The following TSC1 variants were observed in gnomAD, a reference collection of about 807,000 sequenced individuals.
TSC1 encodes the protein TSC complex subunit 1, also known as hamartin.
A neutral mutation model predicts 124.3 loss-of-function variants in TSC1; 20 were observed. The ratio of observed to expected loss-of-function variants is 0.16; its 90% CI spans 0.11 to 0.23. The LOEUF (loss-of-function observed/expected upper bound fraction) is 0.23, where lower values mean the gene tolerates loss of function less well. TSC1 is among the 10% of genes least tolerant of loss of function. The pLI is 1.00. For synonymous variants in TSC1, 493 were observed against 539.1 expected (o/e 0.91, Z 1.19); for missense variants, 1,124 against 1,448.5 (o/e 0.78, Z 3.64).
chr9:132,908,053 C>T (rs867268334), intron 12 of TSC1, among the ~76,000 whole-genome samples: 1 of 152,162 alleles, frequency 6.6e-6, no homozygotes. Flanking sequence ...TGCCACTGCA[C>T]TCCAGCCTGG....
chr9:132,924,823 A>T (rs1846761943), intron 5 of TSC1: 1 of 152,200 alleles, frequency 6.6e-6, no homozygotes, highest in Non-Finnish European at 1.5e-5. Context: ...ACCTCTAGGG[A>T]TAATAAAAGA....
upstream of TSC1, chr9:132,944,717 A>C (rs2132542250): frequency 7.5e-6 from 3 of 398,170 alleles, no homozygotes; most frequent in South Asian, 3.8e-4. Context: ...GGAAGGATAG[A>C]CGGCCGCGCT....
Position 132,892,657 on chromosome 9 carries a change from T to C in TSC1, c.*3578A>G, listed in dbSNP as rs1383035773. ...TCTTAGTGCTTTCAGCGAGAAAAGG[T>C]GAGTCTCATTACGCAGAACTTTTGT... On this transcript the variant is annotated 3_prime_UTR_variant, in exon 23 of 23. Coordinates refer to ENST00000298552, the MANE Select transcript of TSC1 (RefSeq NM_000368.5). The C allele has an allele frequency of 8.6e-6, 2 of 233,254 alleles. No homozygotes were observed. The highest frequency in any genetic ancestry group is 4.4e-5 in the African/African-American group (2 of 45,360). 14.4% of individuals were successfully genotyped at this position (233,254 alleles called of 1,614,324 possible). A position where few individuals can be genotyped will look rare whatever the true frequency, so the allele number is the denominator to read the frequency against.
At chr9:132,944,367 G>A (rs1847944764) in intron 1 of TSC1, among the ~76,000 whole-genome samples, 176 bp downstream of exon 1, 1 of 152,188 alleles carries the variant, frequency 6.6e-6, no homozygotes, top group Non-Finnish European at 1.5e-5. Flanking sequence ...GCCAGCCGGA[G>A]ATAGCGTGTA....
rs551882707 is a variant in TSC1, at chr9:132,913,196, G to A, written c.738-739C>T. ...GATCCTCCCACCTTGGCCTCCCAAA[G>A]TGCTGGGATTACAGGCATAAGCCAT... is the stretch of plus-strand genomic sequence containing the variant. On this transcript the variant is annotated intron_variant, in intron 8 of 22. Coordinates refer to ENST00000298552, the MANE Select transcript of TSC1 (RefSeq NM_000368.5). Among the ~76,000 whole-genome samples the A allele has an allele frequency of 3.3e-3, 504 of 152,262 alleles. 3 individuals are homozygous for A. Among genetic ancestry groups the A allele is most frequent in the African/African-American group, 0.012 (481 of 41,556 alleles).
In TSC1 at chr9:132,896,357, A is replaced by C; in HGVS notation, c.3373T>G (p.Leu1125Val). The C allele has an allele frequency of 6.2e-7, 1 of 1,614,208 alleles. No individual in the cohort carries two copies. Among genetic ancestry groups the C allele is most frequent in the Non-Finnish European group, 8.5e-7 (1 of 1,180,020 alleles). ...ESLKTELGKDLGVEAKIPLNL... is the reference protein window; with the variant it reads ...ESLKTELGKDVGVEAKIPLNL... ...AGGGGAATCTTGGCTTCCACACCCAAGTCTTTGCCCAGTTCTGTCTTTAGG... is the reference window on the plus strand; with the variant it reads ...AGGGGAATCTTGGCTTCCACACCCACGTCTTTGCCCAGTTCTGTCTTTAGG... The change falls in exon 23 of 23, where the codon TTG becomes GTG. Residue 1125 changes from leucine (L) to valine (V), a missense_variant. By Grantham distance (32) the Leu-to-Val change is conservative. This residue lies in a region of TSC1 where 325 missense variants were observed against 383.4 expected (regional missense o/e 0.85). Coordinates refer to ENST00000298552, the MANE Select transcript of TSC1 (RefSeq NM_000368.5). This position sits in a 1 kb window ranked among gnomAD's most constrained non-coding sequence, Gnocchi z 4.5.
In TSC1 at chr9:132,902,854, G is replaced by A. The variant is rs935636321; in HGVS notation, c.2209-67C>T. On this transcript the variant is annotated intron_variant, in intron 17 of 22. Transcript: ENST00000298552. The surrounding 1 kb of genome is among the most constrained non-coding windows in gnomAD (Gnocchi z 5.2). Reference sequence around the variant, plus strand: ...ACACAGGCAATTTAACACACACTGCGAACATTTCATCTGAATAGTCATAAG... The same window carrying A: ...ACACAGGCAATTTAACACACACTGCAAACATTTCATCTGAATAGTCATAAG... The A allele has an allele frequency of 5.7e-5, 90 of 1,573,650 alleles. No homozygotes were observed. Among genetic ancestry groups the A allele is most frequent in the East Asian group, 1.6e-4 (7 of 44,704 alleles).
At chr9:132,943,995 C>T (rs1455763281) in intron 1 of TSC1, 2 of 152,326 alleles carry the variant, frequency 1.3e-5, no homozygotes, top group South Asian at 2.1e-4. Flanking sequence ...TAAACACCCA[C>T]AAGTACACCC....
Position 132,910,606 on chromosome 9 carries a change from A to T in TSC1, c.1228T>A (p.Ser410Thr), listed in dbSNP as rs1299083190. 1 of 1,614,092 alleles carries T rather than the reference A, an allele frequency of 6.2e-7. No homozygotes were observed. Among genetic ancestry groups the T allele is most frequent in the Non-Finnish European group, 8.5e-7 (1 of 1,180,026 alleles). The change falls in exon 12 of 23, where the codon TCA (serine) becomes ACA (threonine). Residue 410 changes from serine (S) to threonine (T), a missense_variant. Around this residue, in one of 5 missense-constraint regions of TSC1, gnomAD observed 463 missense variants for 606.8 expected, o/e 0.76. Coordinates refer to ENST00000298552, the MANE Select transcript of TSC1 (RefSeq NM_000368.5). ...LCHSDDYVHI[S>T]LPQATVTPPR... is the part of the protein sequence containing the mutation. ...GGTGTGACTGTGGCCTGGGGGAGTGAAATGTGCACGTAGTCATCCGAATGA... is the reference window on the plus strand; with the variant it reads ...GGTGTGACTGTGGCCTGGGGGAGTGTAATGTGCACGTAGTCATCCGAATGA...
At chr9:132,927,718 G>C (rs1328784144) in intron 3 of TSC1, among the ~76,000 whole-genome samples, 1 of 151,664 alleles carries the variant, frequency 6.6e-6, no homozygotes, top group African/African-American at 2.4e-5. Flanking sequence ...CTAGAGATGG[G>C]GTTTCACCAC....
rs2131633483 is a variant in TSC1, at chr9:132,897,490, G to A, written c.2746C>T (p.Leu916=). The A allele has an allele frequency of 6.2e-7, 1 of 1,614,128 alleles. No homozygotes were observed. The highest frequency in any genetic ancestry group is 8.5e-7 in the Non-Finnish European group (1 of 1,180,038). The change falls in exon 21 of 23, where the codon CTG becomes TTG. Residue 916 remains leucine, a synonymous_variant. Coordinates refer to ENST00000298552, the MANE Select transcript of TSC1 (RefSeq NM_000368.5). ...AAAAGAAGGTGGTCTTTCTTGGCCA[G>A]GTGAGATTCCAGTTCCAAAATCCGT... ...QKRILELESH[L]AKKDHLLLEQ...
chr9:132,896,685 G>A lies in TSC1; in HGVS notation c.3045C>T (p.Asn1015=), dbSNP rs759047948. Residue 1015 remains asparagine, a synonymous_variant, in exon 23 of 23, where the codon AAC becomes AAT. Transcript: ENST00000298552. This position sits in a 1 kb window ranked among gnomAD's most constrained non-coding sequence, Gnocchi z 4.5. Reference sequence around the variant, plus strand: ...TGGGCCTGGGGGTCTTGGTCTCACCGTTGTGGCCAGATGCCTCTTCATTGT... The same window carrying A: ...TGGGCCTGGGGGTCTTGGTCTCACCATTGTGGCCAGATGCCTCTTCATTGT... ...VGHNEEASGH[N]GETKTPRPSS... The A allele has an allele frequency of 3.5e-5, 57 of 1,613,916 alleles. No individual in the cohort carries two copies. The highest frequency in any genetic ancestry group is 1.6e-4 in the Middle Eastern group (1 of 6,084).
chr9:132,910,136 CAA>C (rs74489004), intron 12 of TSC1: 949 of 200,636 alleles, frequency 4.7e-3, no homozygotes, highest in South Asian at 0.01. Flanking sequence ...TCATCTCCAC[CAA>C]AAAAAAAAAA....
rs397514775 is a variant in TSC1, at chr9:132,925,749, T to TA, written c.211-11dup. ...TCCTGTCCAAGAGGTGCTGAAAATG[T>TA]AAAAGAACAAGGGCAGTCCTCACAT... On this transcript the variant is annotated splice_polypyrimidine_tract_variant and intron_variant, in intron 4 of 22. Coordinates refer to ENST00000298552, the MANE Select transcript of TSC1 (RefSeq NM_000368.5). 1.2e-4 allele frequency: 199 copies of TA among 1,614,040 alleles called. No homozygotes were observed. The highest frequency in any genetic ancestry group is 1.6e-4 in the Non-Finnish European group (191 of 1,180,038).
chr9:132,923,680 G>T lies in TSC1; in HGVS notation c.364-188C>A. 1.3e-6 allele frequency: 1 copy of T among 772,732 alleles called. No individual in the cohort carries two copies. Among genetic ancestry groups the T allele is most frequent in the Non-Finnish European group, 2.1e-6 (1 of 474,980 alleles). 47.9% of individuals were successfully genotyped at this position (772,732 alleles called of 1,614,324 possible). On this transcript the variant is annotated intron_variant, in intron 5 of 22. Coordinates refer to ENST00000298552, the MANE Select transcript of TSC1 (RefSeq NM_000368.5). The surrounding 1 kb of genome is among the most constrained non-coding windows in gnomAD (Gnocchi z 4.2). ...TCAAACAGACTCAACAGAACACTGA[G>T]CCCCAACTCTACTGTAATGAGTCAG...
chr9:132,908,901 C>CTTTTTTT lies in TSC1; in HGVS notation c.1264-1538_1264-1532dup, dbSNP rs35234317. Among the ~76,000 whole-genome samples, 108 of 121,506 alleles carry CTTTTTTT rather than the reference C, an allele frequency of 8.9e-4. 5 individuals are homozygous for CTTTTTTT. The highest frequency in any genetic ancestry group is 1.6e-3 in the African/African-American group (47 of 30,148). The allele number at this position is 121,506 out of a possible 152,430, so 79.7% of individuals were successfully genotyped here. On this transcript the variant is annotated intron_variant, in intron 12 of 22. Coordinates refer to ENST00000298552, the MANE Select transcript of TSC1 (RefSeq NM_000368.5). The stretch of plus-strand genomic sequence containing the variant: ...TTAAAACCCACTAGTCTACCTTGCA[C>CTTTTTTT]TTTTTTTTTTTTTTTTTGTGACAGT...
At chr9:132,900,449 G>A (rs1251934119) in intron 20 of TSC1, 2 of 467,072 alleles carry the variant, frequency 4.3e-6, no homozygotes, top group South Asian at 4.1e-5. Flanking sequence ...GCCTAGGGAA[G>A]AGAAAGGAAA....
rs1353154256 is a variant in TSC1, at chr9:132,921,804, G to A, written c.663+15C>T. 6.2e-7 allele frequency: 1 copy of A among 1,613,982 alleles called. No individual in the cohort carries two copies. Among genetic ancestry groups the A allele is most frequent in the South Asian group, 1.1e-5 (1 of 91,068 alleles). ...AGTATACTAAGTAGCAAACAAACAA[G>A]CAGTTTCAATTTACCTTGACCACTT... On this transcript the variant is annotated intron_variant, in intron 7 of 22. Transcript: ENST00000298552. The surrounding 1 kb of genome is among the most constrained non-coding windows in gnomAD (Gnocchi z 4.3).
Position 132,944,582 on chromosome 9 carries a change from C to T in TSC1, c.-183G>A, listed in dbSNP as rs1847981688. 3 of 398,834 alleles carry T rather than the reference C, an allele frequency of 7.5e-6. No homozygotes were observed. Among genetic ancestry groups the T allele is most frequent in the Admixed American group, 4.4e-5 (1 of 22,724 alleles). 24.7% of individuals were successfully genotyped at this position (398,834 alleles called of 1,614,324 possible). ...CCCTCAGCTGTTTACCTCACAGTCC[C>T]TCCAGCCTACAGGGCGCCGCCATCT... On this transcript the variant is annotated 5_prime_UTR_variant, in exon 1 of 23. Transcript: ENST00000298552.
Sources: gnomAD v4.1 joint callset for allele counts (sites outside exome capture counted in the v4.1 genomes callset) on GRCh38, gnomAD v4.1.1 for gene constraint, gnomAD v4.1.1 regional missense constraint, Gnocchi (gnomAD v3.1) non-coding constraint, MANE v1.5 for transcripts, NCBI Gene and HGNC (gene_info 2026-07-23, HGNC 2026-07-21) for gene names.